The following CSMD1 variants were observed in gnomAD, a reference collection of about 807,000 sequenced individuals.
CSMD1 encodes the protein CUB and Sushi multiple domains 1.
Under a neutral mutation model 417.5 loss-of-function variants are expected in CSMD1, and 213 were observed. The ratio of observed to expected loss-of-function variants is 0.51; its 90% CI spans 0.46 to 0.57. The LOEUF (loss-of-function observed/expected upper bound fraction) is 0.57, where lower values mean the gene tolerates loss of function less well. CSMD1 is among the 20% of genes least tolerant of loss of function. CSMD1 has a pLI of 0.00. For missense variants in CSMD1, 6,923 were observed against 4,529.7 expected, an observed-to-expected ratio of 1.53 and a Z score of -15.17; for synonymous variants, 2,862 against 1,736.8, an observed-to-expected ratio of 1.65 and a Z score of -16.11.
chr8:3,604,669 G>A (rs764844366), intron 8 of CSMD1, among the ~76,000 whole-genome samples: 8 of 152,144 alleles, frequency 5.3e-5, no homozygotes, highest in Non-Finnish European at 8.8e-5. Context: ...ATACAGGAGG[G>A]GAAGAGCTAG....
chr8:4,226,185 G>C (rs960408794), intron 3 of CSMD1, among the ~76,000 whole-genome samples: 1 of 151,754 alleles, frequency 6.6e-6, no homozygotes, highest in East Asian at 1.9e-4. Context: ...GCAACTTAAA[G>C]GAGATCATTT....
chr8:3,315,279 A>G (rs1398955520), intron 23 of CSMD1, among the ~76,000 whole-genome samples: 2 of 152,158 alleles, frequency 1.3e-5, no homozygotes, highest in Non-Finnish European at 2.9e-5. Context: ...GGAGTTTCAA[A>G]GGTAATTGGT....
intron 7 of CSMD1, among the ~76,000 whole-genome samples, chr8:3,671,000 G>A (rs111205008): frequency 2.7e-5 from 3 of 109,422 alleles, no homozygotes; most frequent in Non-Finnish European, 5.6e-5. Context: ...GGATATATAT[G>A]TATGGGATAT....
intron 3 of CSMD1, among the ~76,000 whole-genome samples, chr8:4,077,567 A>T (rs71523605): frequency 0.1 from 15,578 of 151,962 alleles, 880 homozygotes; most frequent in Middle Eastern, 0.15. Flanking sequence ...CCTGTAAACC[A>T]CTGCTATGCC....
intron 7 of CSMD1, among the ~76,000 whole-genome samples, chr8:3,619,609 C>G (rs1802319924): frequency 6.6e-6 from 1 of 151,926 alleles, no homozygotes; most frequent in Non-Finnish European, 1.5e-5. Context: ...TAATGAACAC[C>G]TAGTAGGATA....
chr8:4,734,421 A>T (rs1345827339), intron 1 of CSMD1, among the ~76,000 whole-genome samples: 1 of 151,296 alleles, frequency 6.6e-6, no homozygotes, highest in Admixed American at 6.6e-5. Context: ...GAGTCCCTGA[A>T]AAAAAAAGGT....
intron 3 of CSMD1, among the ~76,000 whole-genome samples, chr8:4,354,075 G>T (rs1383922562): frequency 6.6e-6 from 1 of 152,122 alleles, no homozygotes; most frequent in African/African-American, 2.4e-5. Context: ...TCAGAAATCT[G>T]CATGGCAATA....
intron 3 of CSMD1, among the ~76,000 whole-genome samples, chr8:4,076,555 C>T (rs1043578539): frequency 2.0e-5 from 3 of 152,080 alleles, no homozygotes; most frequent in Non-Finnish European, 4.4e-5. Context: ...ACACAAATAG[C>T]TAAAAGAAAA....
intron 5 of CSMD1, among the ~76,000 whole-genome samples, chr8:3,840,151 T>C (rs1054293540): frequency 3.3e-5 from 5 of 152,164 alleles, no homozygotes; most frequent in Admixed American, 6.5e-5. Context: ...TTATACTTAA[T>C]GTTTTCTCAA....
chr8:4,132,595 A>G (rs1324553295), intron 3 of CSMD1, among the ~76,000 whole-genome samples: 2 of 152,212 alleles, frequency 1.3e-5, no homozygotes, highest in Non-Finnish European at 2.9e-5. Flanking sequence ...TCAATGGCTG[A>G]TAATTCATTC....
chr8:4,114,950 T>C (rs1585343808), intron 3 of CSMD1, among the ~76,000 whole-genome samples: 2 of 152,200 alleles, frequency 1.3e-5, no homozygotes, highest in Non-Finnish European at 2.9e-5. Flanking sequence ...CTGGTAAAGA[T>C]GCCATAAACA....
intron 3 of CSMD1, among the ~76,000 whole-genome samples, chr8:4,085,092 G>C (rs1019808694): frequency 2.0e-5 from 3 of 152,060 alleles, no homozygotes; most frequent in African/African-American, 4.8e-5. Context: ...TATAAATCAG[G>C]GAATATTGGT....
intron 5 of CSMD1, among the ~76,000 whole-genome samples, chr8:3,841,225 G>C (rs1393591214): frequency 1.3e-5 from 2 of 152,070 alleles, no homozygotes; most frequent in Non-Finnish European, 2.9e-5. Context: ...AAACTTGTTT[G>C]GAAAGGTTTA....
rs966883691 is a variant in CSMD1, at chr8:3,118,508, T to C, written c.6321A>G (p.Gln2107=). The C allele has an allele frequency of 9.9e-6, 16 of 1,613,884 alleles. No individual in the cohort carries two copies. The highest frequency in any genetic ancestry group is 6.7e-5 in the East Asian group (3 of 44,870). The change falls in exon 42 of 70, where the codon CAA becomes CAG. Residue 2107 remains glutamine (Q), a synonymous_variant. Transcript: ENST00000635120. ...YMINSDYSVG[Q]SVSFECYPGY... ...CAGGATAACACTCGAAAGATACTGA[T>C]TGCCCCACGCTGTAATCCGAGTTGA...
At chr8:4,981,271 G>T (rs1318859881) in intron 1 of CSMD1, among the ~76,000 whole-genome samples, 1 of 152,214 alleles carries the variant, frequency 6.6e-6, no homozygotes, top group African/African-American at 2.4e-5. Flanking sequence ...TTTAAGCTCT[G>T]TCCAACTTTT....
intron 1 of CSMD1, among the ~76,000 whole-genome samples, chr8:4,935,213 G>A (rs561821195): frequency 6.6e-6 from 1 of 152,120 alleles, no homozygotes; most frequent in Non-Finnish European, 1.5e-5. Context: ...TCCCATATGT[G>A]GTCCCTGGAT....
chr8:4,035,365 C>T (rs149513510), intron 3 of CSMD1, among the ~76,000 whole-genome samples: 1 of 152,234 alleles, frequency 6.6e-6, no homozygotes, highest in Admixed American at 6.5e-5. Flanking sequence ...TACTTTTTAT[C>T]ATTATTTCAG....
chr8:3,161,520 G>C (rs1409709674), intron 38 of CSMD1, among the ~76,000 whole-genome samples: 1 of 151,592 alleles, frequency 6.6e-6, no homozygotes, highest in Admixed American at 6.6e-5. Context: ...GGGAGGCTGA[G>C]GCAGGAGAAT....
intron 5 of CSMD1, among the ~76,000 whole-genome samples, chr8:3,996,396 T>C: frequency 6.6e-6 from 1 of 152,156 alleles, no homozygotes; most frequent in South Asian, 2.1e-4. Flanking sequence ...TTTAAATGAT[T>C]AGTAGAGCAT....
Sources: allele counts gnomAD v4.1 joint callset (sites outside exome capture counted in the v4.1 genomes callset), GRCh38; gene constraint gnomAD v4.1.1; transcripts MANE v1.5; gene names NCBI Gene and HGNC (gene_info 2026-07-23, HGNC 2026-07-21).